PIGN: variants seen among roughly 807,000 people sequenced by gnomAD.
PIGN encodes phosphatidylinositol glycan anchor biosynthesis class N.
A neutral mutation model predicts 125.4 loss-of-function variants in PIGN; 117 were observed. The ratio of observed to expected loss-of-function variants is 0.93; its 90% CI spans 0.80 to 1.09. The LOEUF (loss-of-function observed/expected upper bound fraction) is 1.09. PIGN is among the 50% of genes least tolerant of loss of function. The pLI is 0.00. For missense variants in PIGN, 1,075 were observed against 1,094.9 expected (o/e 0.98, Z 0.26); for synonymous variants, 392 against 377.8 (o/e 1.04, Z -0.44).
Position 62,106,872 on chromosome 18 carries a change from A to T in PIGN, c.1684T>A (p.Phe562Ile), listed in dbSNP as rs769181999. The change falls in exon 19 of 31, where the codon TTT (phenylalanine) becomes ATT (isoleucine). Residue 562 changes from phenylalanine (F) to isoleucine (I), a missense_variant. Physicochemically the swap from Phe to Ile is conservative, Grantham distance 21. This residue lies in a region of PIGN where 915 missense variants were observed against 908.7 expected (regional missense o/e 1.01). Coordinates refer to ENST00000640252, the MANE Select transcript of PIGN (RefSeq NM_176787.5). The part of the protein sequence containing the change: ...TLGIEVLVLS[F>I]FYRYMLTAGL... The stretch of plus-strand genomic sequence containing the variant: ...GCGGTAAGCATATAGCGGTAGAAAA[A>T]ACTGAGAACCTAGTAATGCATTCCA... 1.1e-5 allele frequency: 18 copies of T among 1,607,162 alleles called. No homozygotes were observed. The highest frequency in any genetic ancestry group is 1.5e-5 in the Non-Finnish European group (18 of 1,176,616).
At chr18:62,122,751 C>A (rs967720577) in intron 14 of PIGN, among the ~76,000 whole-genome samples, 3 of 152,062 alleles carry the variant, frequency 2.0e-5, no homozygotes, top group African/African-American at 7.2e-5. Flanking sequence ...AATATGTTTT[C>A]TTTTCAAGAA....
chr18:62,043,205 T>C lies in PIGN; in HGVS notation c.*2651A>G, dbSNP rs1346647776. The C allele has an allele frequency of 6.6e-6, 1 of 152,180 alleles. No homozygotes were observed. The highest frequency in any genetic ancestry group is 1.5e-5 in the Non-Finnish European group (1 of 68,038). 9.4% of individuals were successfully genotyped at this position (152,180 alleles called of 1,614,324 possible). ...CTCCATTCTCTTCAGCCCCCTGACA[T>C]GATGGCATCTAGTGTGAATATGGGA... On this transcript the variant is annotated 3_prime_UTR_variant, in exon 31 of 31. Transcript: ENST00000640252.
intron 30 of PIGN, among the ~76,000 whole-genome samples, chr18:62,061,522 AAAAAAAAAAAAAAAAAT>A (rs1383540969): frequency 0.036 from 2,684 of 73,680 alleles, 113 homozygotes; most frequent in African/African-American, 0.095. Context: ...AAAAAAAAAA[AAAAAAAAAAAAAAAAAT>A]GCAATAAAAT....
At chr18:62,154,686 C>A (rs758722655) in intron 6 of PIGN, 35 bp from the exon 7 acceptor site, 2 of 982,108 alleles carry the variant, frequency 2.0e-6, no homozygotes, top group Non-Finnish European at 3.2e-6. Flanking sequence ...AATCTTTTTA[C>A]AAAATCTTTT....
At chr18:62,026,914 A>G (rs1170090835) in intron 23 of PIGN, among the ~76,000 whole-genome samples, 1 of 152,198 alleles carries the variant, frequency 6.6e-6, no homozygotes, top group Non-Finnish European at 1.5e-5. Context: ...AAGGAGGCTG[A>G]CGGGGGGCCA....
At position 62,055,432 on chromosome 18, in the gene PIGN, T is replaced by C. The variant is rs138512289; in HGVS notation, c.2673-9453A>G. Among the ~76,000 whole-genome samples, 177 of 152,326 alleles carry C rather than the reference T, an allele frequency of 1.2e-3. 2 individuals are homozygous for C. The highest frequency in any genetic ancestry group is 4.0e-3 in the African/African-American group (167 of 41,570). ...ACTATATGATTTACTTTGTATCATATTTATGAAGTAACAACTACAGAAATG... is the reference window on the plus strand; with the variant it reads ...ACTATATGATTTACTTTGTATCATACTTATGAAGTAACAACTACAGAAATG... On this transcript the variant is annotated intron_variant, in intron 30 of 30. Transcript: ENST00000640252.
At chr18:62,177,956 G>C (rs1483674697) in intron 1 of PIGN, among the ~76,000 whole-genome samples, 1 of 152,032 alleles carries the variant, frequency 6.6e-6, no homozygotes, top group Non-Finnish European at 1.5e-5. Flanking sequence ...AGTGCTCACA[G>C]ATCTTCCAAA....
At chr18:62,039,529 C>T (rs1471650997), downstream of PIGN, among the ~76,000 whole-genome samples, 1 of 132,472 alleles carries the variant, frequency 7.5e-6, no homozygotes, top group Admixed American at 7.4e-5. Flanking sequence ...ATCCAGGGTG[C>T]CGCACCCCAT....
chr18:62,108,560 TTTAATA>T (rs1406028988), intron 17 of PIGN, among the ~76,000 whole-genome samples: 4 of 151,672 alleles, frequency 2.6e-5, no homozygotes, highest in Admixed American at 1.3e-4. Flanking sequence ...TTTTAAGCAT[TTTAATA>T]TTAATATTAA....
chr18:62,031,849 T>C (rs1568104371), intron 23 of PIGN, among the ~76,000 whole-genome samples: 1 of 152,090 alleles, frequency 6.6e-6, no homozygotes, highest in Non-Finnish European at 1.5e-5. Flanking sequence ...CATAGCAAAT[T>C]ATCACAAACA....
At chr18:62,120,873 C>G (rs2060098) in intron 14 of PIGN, among the ~76,000 whole-genome samples, 25,717 of 151,638 alleles carry the variant, frequency 0.17, 2,936 homozygotes, top group Middle Eastern at 0.29. Context: ...TATAAATGGT[C>G]CGAAAACACC....
chr18:62,027,018 C>A (rs530506679), intron 23 of PIGN, among the ~76,000 whole-genome samples: 1 of 152,148 alleles, frequency 6.6e-6, no homozygotes, highest in Non-Finnish European at 1.5e-5. Context: ...GCCTGGCCAA[C>A]ATGGTGAAAC....
chr18:62,147,178 TC>T, intron 8 of PIGN, 77 bp from the exon 9 acceptor site: 4 of 1,442,056 alleles, frequency 2.8e-6, no homozygotes, highest in Non-Finnish European at 3.7e-6. Context: ...TTCATTACAT[TC>T]AAAATCAGTA....
At chr18:62,096,540 T>C (rs1454639689) in intron 22 of PIGN, among the ~76,000 whole-genome samples, 5 of 99,158 alleles carry the variant, frequency 5.0e-5, no homozygotes, top group Non-Finnish European at 9.2e-5. Flanking sequence ...TTTTTTTTTT[T>C]TTTATTATAC....
At chr18:62,139,797 C>G (rs555551199) in intron 12 of PIGN, among the ~76,000 whole-genome samples, 1 of 152,312 alleles carries the variant, frequency 6.6e-6, no homozygotes, top group East Asian at 1.9e-4. Context: ...TAATGCTACT[C>G]TACCCTCATG....
At chr18:62,104,093 T>C (rs1055489543) in intron 20 of PIGN, among the ~76,000 whole-genome samples, 1 of 152,038 alleles carries the variant, frequency 6.6e-6, no homozygotes, top group Non-Finnish European at 1.5e-5. Context: ...AAAAGGAGAG[T>C]AGAAATTTCC....
chr18:62,137,352 T>C (rs559271669), intron 14 of PIGN: 12 of 385,114 alleles, frequency 3.1e-5, no homozygotes, highest in African/African-American at 2.3e-4. Context: ...CTGGCTTCTT[T>C]ACTCCTCATA....
intron 30 of PIGN, among the ~76,000 whole-genome samples, chr18:62,057,739 T>C (rs902393528): frequency 2.6e-5 from 4 of 152,222 alleles, no homozygotes; most frequent in Non-Finnish European, 5.9e-5. Context: ...ATATCTACTC[T>C]ATGAATTCTC....
chr18:62,022,612 T>A (rs2030065702), intron 23 of PIGN, among the ~76,000 whole-genome samples: 2 of 152,248 alleles, frequency 1.3e-5, no homozygotes, highest in South Asian at 4.1e-4. Context: ...GGTTGCTCTG[T>A]GACCTTTAAA....
Sources: gnomAD v4.1 joint callset for allele counts (sites outside exome capture counted in the v4.1 genomes callset) on GRCh38, gnomAD v4.1.1 for gene constraint, gnomAD v4.1.1 regional missense constraint, MANE v1.5 for transcripts, NCBI Gene and HGNC (gene_info 2026-07-23, HGNC 2026-07-21) for gene names.